GSDME: variants seen among roughly 807,000 people sequenced by gnomAD.
The protein encoded by GSDME is gasdermin-E.
Under a neutral mutation model 47.5 loss-of-function variants are expected in GSDME, and 44 were observed. The observed-to-expected ratio is 0.93, with a 90% CI of 0.73 to 1.19. The LOEUF (loss-of-function observed/expected upper bound fraction) is 1.19. Among genes scored for constraint, GSDME ranks in the 50% most tolerant of loss-of-function variants. The probability of loss-of-function intolerance (pLI) is 0.00; values close to 1 mark genes in which losing one functional copy is unlikely to be tolerated. For missense variants in GSDME, 663 were observed against 604.2 expected, an observed-to-expected ratio of 1.10 and a Z score of -1.02; for synonymous variants, 258 against 252.8, an observed-to-expected ratio of 1.02 and a Z score of -0.20.
chr7:24,713,178 G>A (rs567769749), intron 5 of GSDME, among the ~76,000 whole-genome samples: 3 of 152,308 alleles, frequency 2.0e-5, no homozygotes, highest in Admixed American at 1.3e-4. Context: ...GCAGGGCAGA[G>A]CATATGATGG....
chr7:24,699,539 C>T (rs1304351737), intron 9 of GSDME, among the ~76,000 whole-genome samples: 3 of 152,218 alleles, frequency 2.0e-5, no homozygotes, highest in East Asian at 1.9e-4. Context: ...GGGGTTTCAC[C>T]GTGTTGGCCA....
rs564840983 is a variant in GSDME at position 24,707,158 on chromosome 7, C to T, written c.991-782G>A. 28 of 369,674 alleles carry T rather than the reference C, an allele frequency of 7.6e-5. 1 individual carries two copies. The Admixed American group carries it at 8.4e-4, about 11-fold the overall frequency. 22.9% of individuals were successfully genotyped at this position (369,674 alleles called of 1,614,324 possible). A position where few individuals can be genotyped will look rare whatever the true frequency, so the allele number is the denominator to read the frequency against. On this transcript the variant is annotated intron_variant, in intron 7 of 9. Transcript: ENST00000645220. ...CACTGATACCCAGGCTCTTTCGGCA[C>T]AATCTAATTTCAAGAGAGAAAAATA...
chr7:24,704,707 G>C (rs985252667), intron 8 of GSDME: 1 of 151,522 alleles, frequency 6.6e-6, no homozygotes, highest in Non-Finnish European at 1.5e-5. Flanking sequence ...TGCTGCCTGC[G>C]TGCAAGCTTG....
the GSDME span, among the ~76,000 whole-genome samples, chr7:24,784,718 G>C: frequency 0.6 from 90,108 of 149,404 alleles, 28,097 homozygotes; most frequent in East Asian, 0.81. Flanking sequence ...TGCCACCACT[G>C]CTGGCTAATT....
Position 24,754,387 on chromosome 7 carries a change from A to C in GSDME, c.-20+3009T>G, listed in dbSNP as rs747478728. Among the ~76,000 whole-genome samples, 9 of 151,982 alleles carry C rather than the reference A, an allele frequency of 5.9e-5. No individual in the cohort carries two copies. Among genetic ancestry groups the C allele is most frequent in the African/African-American group, 2.2e-4 (9 of 41,378 alleles). ...GTAATCCCAGCTACTCGGGAGGCTG[A>C]GGCAGGAGAATCACTTGAACCTGGG... On this transcript the variant is annotated intron_variant, in intron 1 of 9. Transcript: ENST00000645220. This position sits in a 1 kb window ranked among gnomAD's most constrained non-coding sequence, Gnocchi z 5.0.
chr7:24,747,194 TTA>T (rs1790694388), intron 2 of GSDME, among the ~76,000 whole-genome samples: 1 of 152,214 alleles, frequency 6.6e-6, no homozygotes, highest in South Asian at 2.1e-4. Context: ...CTTTTCATAT[TTA>T]GTTATTTCAC....
At chr7:24,770,211 A>G in the GSDME span, among the ~76,000 whole-genome samples, 3 of 152,252 alleles carry the variant, frequency 2.0e-5, no homozygotes, top group Admixed American at 1.3e-4. The surrounding 1 kb of genome is among the most constrained non-coding windows in gnomAD (Gnocchi z 4.6). Context: ...GAACCTCCAT[A>G]AACACTCCTA....
At chr7:24,773,170 G>A in the GSDME span, among the ~76,000 whole-genome samples, 3 of 152,168 alleles carry the variant, frequency 2.0e-5, no homozygotes, top group Admixed American at 6.5e-5. This position sits in a 1 kb window ranked among gnomAD's most constrained non-coding sequence, Gnocchi z 5.4. Context: ...TAAAAAAAAT[G>A]TTTTTCCATC....
chr7:24,761,124 G>C (rs911358155), upstream of GSDME, among the ~76,000 whole-genome samples: 8 of 152,220 alleles, frequency 5.3e-5, no homozygotes, highest in African/African-American at 1.9e-4. This position sits in a 1 kb window ranked among gnomAD's most constrained non-coding sequence, Gnocchi z 4.4. Flanking sequence ...AATTTTGTAG[G>C]TTAGGGCTTT....
chr7:24,744,218 G>A lies in GSDME; in HGVS notation c.404+344C>T, dbSNP rs1415721008. On this transcript the variant is annotated intron_variant, in intron 3 of 9. Coordinates refer to ENST00000645220, the MANE Select transcript of GSDME (RefSeq NM_001127453.2). This position sits in a 1 kb window ranked among gnomAD's most constrained non-coding sequence, Gnocchi z 4.5. ...TCATCAGAAAATTATAGAGCCAGAG[G>A]GGGGTCATGACTTCCTGGCTTCTAA... is the stretch of plus-strand genomic sequence containing the variant. The A allele has an allele frequency of 3.7e-6, 1 of 267,782 alleles. No homozygotes were observed. The highest frequency in any genetic ancestry group is 5.2e-5 in the South Asian group (1 of 19,148). 16.6% of individuals were successfully genotyped at this position (267,782 alleles called of 1,614,324 possible).
In GSDME at chr7:24,722,698, ATTGT is replaced by A. The variant is rs1266988864; in HGVS notation, c.405-3484_405-3481del. ...GGACACTGCTCCTAGCCAGTGTGAA[ATTGT>A]TTGAAAAGAAAAAGCTCAGCCTAGA... On this transcript the variant is annotated intron_variant, in intron 3 of 9. Coordinates refer to ENST00000645220, the MANE Select transcript of GSDME (RefSeq NM_001127453.2). Among the ~76,000 whole-genome samples the A allele has an allele frequency of 4.6e-5, 7 of 152,324 alleles. No homozygotes were observed. The South Asian group carries it at 6.2e-4, about 14-fold the overall frequency.
At chr7:24,767,371 A>G in the GSDME span, among the ~76,000 whole-genome samples, 1 of 152,228 alleles carries the variant, frequency 6.6e-6, no homozygotes, top group African/African-American at 2.4e-5. The surrounding 1 kb of genome is among the most constrained non-coding windows in gnomAD (Gnocchi z 5.3). Context: ...ATAAGGGTAT[A>G]TAAGAATAAC....
At chr7:24,771,039 C>A in the GSDME span, among the ~76,000 whole-genome samples, 2 of 151,330 alleles carry the variant, frequency 1.3e-5, no homozygotes, top group Non-Finnish European at 2.9e-5. This position sits in a 1 kb window ranked among gnomAD's most constrained non-coding sequence, Gnocchi z 4.1. Flanking sequence ...AACCACAGAC[C>A]CAGGAATATC....
At chr7:24,766,913 CCCA>C in the GSDME span, among the ~76,000 whole-genome samples, 121 of 152,222 alleles carry the variant, frequency 7.9e-4, no homozygotes, top group African/African-American at 2.8e-3. This position sits in a 1 kb window ranked among gnomAD's most constrained non-coding sequence, Gnocchi z 4.2. Flanking sequence ...AATTTACACT[CCCA>C]CCAACAGTGT....
At chr7:24,720,561 G>T (rs1789739163) in intron 3 of GSDME, among the ~76,000 whole-genome samples, 1 of 152,190 alleles carries the variant, frequency 6.6e-6, no homozygotes, top group African/African-American at 2.4e-5. Flanking sequence ...TCCATCAACA[G>T]ATGAATGGAG....
intron 3 of GSDME, among the ~76,000 whole-genome samples, chr7:24,743,217 T>C (rs556790355): frequency 6.6e-6 from 1 of 152,352 alleles, no homozygotes; most frequent in East Asian, 1.9e-4. Flanking sequence ...TTTATCGTAT[T>C]TTTTATTAAT....
intron 3 of GSDME, among the ~76,000 whole-genome samples, chr7:24,722,867 T>G (rs1051648864): frequency 2.0e-5 from 3 of 152,164 alleles, no homozygotes; most frequent in African/African-American, 7.2e-5. Flanking sequence ...CCTGAGACGC[T>G]TGCTGAGTCG....
the GSDME span, among the ~76,000 whole-genome samples, chr7:24,783,980 A>G: frequency 6.6e-6 from 1 of 152,072 alleles, no homozygotes; most frequent in Non-Finnish European, 1.5e-5. Flanking sequence ...AGGAGAGGTC[A>G]GGCATGGAGA....
the GSDME span, among the ~76,000 whole-genome samples, chr7:24,777,417 G>T: frequency 2.0e-5 from 3 of 152,218 alleles, no homozygotes; most frequent in East Asian, 1.9e-4. Flanking sequence ...ACCACTGGAA[G>T]TTTGCGGTTT....
Sources: gnomAD v4.1 joint callset for allele counts (sites outside exome capture counted in the v4.1 genomes callset) on GRCh38, gnomAD v4.1.1 for gene constraint, Gnocchi (gnomAD v3.1) non-coding constraint, MANE v1.5 for transcripts, NCBI Gene and HGNC (gene_info 2026-07-23, HGNC 2026-07-21) for gene names.